SDR42E2: variants seen among roughly 807,000 people sequenced by gnomAD.
SDR42E2 encodes putative short-chain dehydrogenase/reductase family 42E member 2.
A neutral mutation model predicts 10.5 loss-of-function variants in SDR42E2; 20 were observed. That is an observed-to-expected ratio of 1.90 (90% CI 1.34 to 2.77). The LOEUF (loss-of-function observed/expected upper bound fraction) is 2.77. Among genes scored for constraint, SDR42E2 ranks in the 30% most tolerant of loss-of-function variants. The probability of loss-of-function intolerance (pLI) is 0.00; values close to 1 mark genes in which losing one functional copy is unlikely to be tolerated. For synonymous variants in SDR42E2, 72 were observed against 39.2 expected (o/e 1.84, Z -3.12); for missense variants, 162 against 104.2 (o/e 1.55, Z -2.42).
intron 10 of SDR42E2, among the ~76,000 whole-genome samples, chr16:22,183,801 A>G (rs924734149): frequency 2.0e-5 from 3 of 152,160 alleles, no homozygotes; most frequent in African/African-American, 7.2e-5. Context: ...ATCCCAAGTT[A>G]AAAAGCTACC....
intron 7 of SDR42E2, among the ~76,000 whole-genome samples, chr16:22,176,283 T>G (rs886393306): frequency 3.3e-5 from 5 of 152,158 alleles, no homozygotes; most frequent in Non-Finnish European, 7.4e-5. Flanking sequence ...GGTGCCTGGC[T>G]AATTTTTTTT....
intron 1 of SDR42E2, among the ~76,000 whole-genome samples, chr16:22,165,096 G>C (rs879938745): frequency 6.6e-6 from 1 of 152,014 alleles, no homozygotes; most frequent in Non-Finnish European, 1.5e-5. Context: ...TTGTTTGTTT[G>C]TTTGTTTTTG....
At chr16:22,175,514 G>A (rs1470725464) in intron 7 of SDR42E2, among the ~76,000 whole-genome samples, 7 of 151,314 alleles carry the variant, frequency 4.6e-5, no homozygotes, top group African/African-American at 1.5e-4. Flanking sequence ...TGTACTCCCA[G>A]AGGCTCAAGT....
intron 8 of SDR42E2, among the ~76,000 whole-genome samples, chr16:22,179,828 A>AAAG (rs2046677849): frequency 6.6e-6 from 1 of 151,562 alleles, no homozygotes; most frequent in African/African-American, 2.4e-5. Context: ...AAAAAAAAAA[A>AAAG]AAGAAGATTC....
Position 22,181,653 on chromosome 16 carries a change from G to A in SDR42E2, c.807G>A (p.Val269=), listed in dbSNP as rs775580924. ...CCCTCACCACGGCCAAGGGCTACGT[G>A]GCTGTGAGTCCCCTCTGATGCCCCC... ...AEALTTAKGY[V]ASGQAYYIND... The change falls in exon 9 of 13, where the codon GTG becomes GTA. Residue 269 remains valine, a synonymous_variant. Transcript: ENST00000602312. 8 of 702,798 alleles carry A rather than the reference G, an allele frequency of 1.1e-5. 1 individual carries two copies. The South Asian group carries it at 1.2e-4, about 10-fold the overall frequency. The allele number at this position is 702,798 out of a possible 1,614,324, so 43.5% of individuals were successfully genotyped here.
At chr16:22,165,196 T>C (rs1309788116) in intron 1 of SDR42E2, among the ~76,000 whole-genome samples, 1 of 152,234 alleles carries the variant, frequency 6.6e-6, no homozygotes, top group Non-Finnish European at 1.5e-5. Flanking sequence ...CAAGCAATTC[T>C]TGTGCTTCAG....
At position 22,190,733 on chromosome 16, in the gene SDR42E2, A is replaced by C; in HGVS notation, c.*340A>C. The C allele has an allele frequency of 3.6e-6, 1 of 277,620 alleles. No homozygotes were observed. The highest frequency in any genetic ancestry group is 6.6e-6 in the Non-Finnish European group (1 of 151,598). 17.2% of individuals were successfully genotyped at this position (277,620 alleles called of 1,614,324 possible). ...TGGTCGGCCCAGACGCGTAGCCCCGAGTCTCTTTCCATGTTTTGACCACGC... is the reference window on the plus strand; with the variant it reads ...TGGTCGGCCCAGACGCGTAGCCCCGCGTCTCTTTCCATGTTTTGACCACGC... On this transcript the variant is annotated 3_prime_UTR_variant, in exon 13 of 13. Coordinates refer to ENST00000602312, the MANE Select transcript of SDR42E2 (RefSeq NM_001394319.2).
rs982809912 is a variant in SDR42E2, at chr16:22,190,701, A to G, written c.*308A>G. 18 of 303,210 alleles carry G rather than the reference A, an allele frequency of 5.9e-5. No homozygotes were observed. Among genetic ancestry groups the G allele is most frequent in the Middle Eastern group, 8.2e-4 (1 of 1,216 alleles). 18.8% of individuals were successfully genotyped at this position (303,210 alleles called of 1,614,324 possible). ...CTGCTCCGCCCCCTGAATCCTGGCCACGTCCCTGGTCGGCCCAGACGCGTA... is the reference window on the plus strand; with the variant it reads ...CTGCTCCGCCCCCTGAATCCTGGCCGCGTCCCTGGTCGGCCCAGACGCGTA... On this transcript the variant is annotated 3_prime_UTR_variant, in exon 13 of 13. Transcript: ENST00000602312.
chr16:22,166,428 C>T lies in SDR42E2; in HGVS notation c.234C>T (p.Phe78=). 1 of 402,460 alleles carries T rather than the reference C, an allele frequency of 2.5e-6. No individual in the cohort carries two copies. Among genetic ancestry groups the T allele is most frequent in the Non-Finnish European group, 4.4e-6 (1 of 227,144 alleles). The allele number at this position is 402,460 out of a possible 1,614,324, so 24.9% of individuals were successfully genotyped here. ...GGGAACTGTCCCCGGAAACCAAGTT[C>T]ATCCAGGTACAAGGAACAAGGGTCT... ...PQWELSPETK[F]IQADVRDEEA... The change falls in exon 3 of 13, where the codon TTC becomes TTT. Residue 78 remains phenylalanine (F), a synonymous_variant. Transcript: ENST00000602312.
intron 12 of SDR42E2, among the ~76,000 whole-genome samples, chr16:22,188,238 C>T (rs1413459130): frequency 6.6e-6 from 1 of 151,856 alleles, no homozygotes; most frequent in Admixed American, 6.6e-5. Flanking sequence ...TCCAAGGCCA[C>T]ACCATACTGG....
In SDR42E2 at chr16:22,182,280, A is replaced by G; in HGVS notation, c.876+3A>G. On this transcript the variant is annotated splice_donor_region_variant and intron_variant, in intron 10 of 12. Transcript: ENST00000602312. ...TCTTTGAGTGGATGGCCCCACTGGT[A>G]GGTGCACAGATGCCCACCCACCCCG... 1 of 401,328 alleles carries G rather than the reference A, an allele frequency of 2.5e-6. No individual in the cohort carries two copies. The highest frequency in any genetic ancestry group is 3.6e-5 in the East Asian group (1 of 28,076). The allele number at this position is 401,328 out of a possible 1,614,324, so 24.9% of individuals were successfully genotyped here. A position where few individuals can be genotyped will look rare whatever the true frequency, so the allele number is the denominator to read the frequency against.
intron 8 of SDR42E2, among the ~76,000 whole-genome samples, chr16:22,178,503 A>C (rs2046665145): frequency 2.6e-5 from 4 of 152,192 alleles, no homozygotes; most frequent in African/African-American, 9.6e-5. Context: ...CCTCACTCCC[A>C]TGTGGGCTCC....
intron 4 of SDR42E2, among the ~76,000 whole-genome samples, chr16:22,167,321 G>A (rs1310877927): frequency 6.6e-6 from 1 of 151,626 alleles, no homozygotes; most frequent in African/African-American, 2.4e-5. Context: ...GAGTAGCTGG[G>A]ATTACAGGTG....
intron 4 of SDR42E2, among the ~76,000 whole-genome samples, chr16:22,168,750 G>A (rs537942561): frequency 1.1e-4 from 16 of 152,120 alleles, no homozygotes; most frequent in African/African-American, 3.6e-4. Context: ...GTGCATGCCT[G>A]TAATCCCAGC....
At chr16:22,186,655 C>A in intron 11 of SDR42E2, 66 bp from the exon 12 acceptor site, 1 of 401,168 alleles carries the variant, frequency 2.5e-6, no homozygotes, top group South Asian at 1.3e-4. Context: ...TGATTTGTCC[C>A]CAAGGGCCTC....
At chr16:22,184,679 A>G (rs1043447185) in intron 11 of SDR42E2, among the ~76,000 whole-genome samples, 4 of 152,200 alleles carry the variant, frequency 2.6e-5, no homozygotes, top group African/African-American at 9.7e-5. Context: ...CTGTGGTCAC[A>G]AAATTTAAGG....
chr16:22,181,384 A>G (rs1365435302), intron 8 of SDR42E2, 135 bp from the exon 9 acceptor site: 9 of 626,502 alleles, frequency 1.4e-5, no homozygotes, highest in Middle Eastern at 5.0e-4. Flanking sequence ...GCTGATATTC[A>G]GAGAGCATTG....
At chr16:22,187,861 T>C (rs938193302) in intron 12 of SDR42E2, among the ~76,000 whole-genome samples, 1 of 152,078 alleles carries the variant, frequency 6.6e-6, no homozygotes, top group African/African-American at 2.4e-5. Context: ...TTTGGGAGGC[T>C]GAGGCGGGTG....
chr16:22,172,603 A>G (rs1231150384), intron 7 of SDR42E2, among the ~76,000 whole-genome samples: 1 of 152,142 alleles, frequency 6.6e-6, no homozygotes, highest in East Asian at 1.9e-4. Flanking sequence ...AGCAAACCCA[A>G]GTCTCTCTCT....
Sources: gnomAD v4.1 joint callset for allele counts (sites outside exome capture counted in the v4.1 genomes callset) on GRCh38, gnomAD v4.1.1 for gene constraint, MANE v1.5 for transcripts, NCBI Gene and HGNC (gene_info 2026-07-23, HGNC 2026-07-21) for gene names.